Variants in EIF4G3 observed in about 807,000 individuals in gnomAD.
EIF4G3 encodes eIF-4-gamma 3.
EIF4G3 carries 34 observed loss-of-function variants against 186.4 expected under a neutral mutation model. That is an observed-to-expected ratio of 0.18 (90% confidence interval 0.14 to 0.24). The LOEUF is 0.24. Among genes scored for constraint, EIF4G3 ranks in the 10% least tolerant of loss-of-function variants. The pLI is 1.00. For synonymous variants in EIF4G3, 673 were observed against 679.5 expected (o/e 0.99, Z 0.15); for missense variants, 1,536 against 1,948.5 (o/e 0.79, Z 3.99).
At chr1:20,858,598 T>C (rs2075618408) in intron 24 of EIF4G3, among the ~76,000 whole-genome samples, 1 of 152,236 alleles carries the variant, frequency 6.6e-6, no homozygotes. Flanking sequence ...ATATTTTATT[T>C]AAGTATTTAT....
At chr1:20,833,263 T>C (rs2065822208) in intron 30 of EIF4G3, among the ~76,000 whole-genome samples, 1 of 151,340 alleles carries the variant, frequency 6.6e-6, no homozygotes, top group East Asian at 1.9e-4. Context: ...TTCTTCCATT[T>C]GTTTGTATCC....
intron 29 of EIF4G3, among the ~76,000 whole-genome samples, chr1:20,843,010 T>C (rs536587217): frequency 6.6e-6 from 1 of 152,066 alleles, no homozygotes; most frequent in Non-Finnish European, 1.5e-5. Flanking sequence ...GCCCGGCTAA[T>C]TTAAAAAAAT....
At chr1:20,987,976 T>A (rs115048780) in intron 7 of EIF4G3, among the ~76,000 whole-genome samples, 4,364 of 152,300 alleles carry the variant, frequency 0.029, 81 homozygotes, top group Non-Finnish European at 0.048. Flanking sequence ...ACACAAATGA[T>A]AAAGCAAAAC....
At position 20,851,388 on chromosome 1, in the gene EIF4G3, T is replaced by G; in HGVS notation, c.3642A>C (p.Lys1214Asn). 1 of 1,614,126 alleles carries G rather than the reference T, an allele frequency of 6.2e-7. No homozygotes were observed. The highest frequency in any genetic ancestry group is 2.2e-5 in the East Asian group (1 of 44,878). The change falls in exon 28 of 37, where the codon AAA becomes AAC. Residue 1214 changes from lysine (K) to asparagine (N), a missense_variant. Physicochemically the swap from Lys to Asn is moderately conservative, Grantham distance 94. Around this residue, in one of 11 missense-constraint regions of EIF4G3, gnomAD observed 395 missense variants for 498.9 expected, o/e 0.79. Coordinates refer to ENST00000602326, the MANE Select transcript of EIF4G3 (RefSeq NM_001391906.1). ...PNTFMRGGSS[K>N]DLLDNQSQEE... Reference sequence around the variant, plus strand: ...CTTGAGACTGATTGTCTAGCAGGTCTTTACTGCTGCCACCCCTCATGAAAG... The same window carrying G: ...CTTGAGACTGATTGTCTAGCAGGTCGTTACTGCTGCCACCCCTCATGAAAG...
intron 20 of EIF4G3, among the ~76,000 whole-genome samples, chr1:20,872,890 C>T (rs897334277): frequency 3.9e-5 from 6 of 152,034 alleles, no homozygotes; most frequent in African/African-American, 1.4e-4. Flanking sequence ...GCATGCGCCA[C>T]CATGCCCAGC....
intron 3 of EIF4G3, among the ~76,000 whole-genome samples, chr1:21,056,717 G>A (rs1010004729): frequency 1.3e-5 from 2 of 152,170 alleles, no homozygotes; most frequent in Non-Finnish European, 2.9e-5. Context: ...TTTAAAGGGA[G>A]TAGCAACAAG....
chr1:20,945,295 C>T (rs1264746459), intron 13 of EIF4G3, among the ~76,000 whole-genome samples: 1 of 151,668 alleles, frequency 6.6e-6, no homozygotes, highest in Non-Finnish European at 1.5e-5. Context: ...TAAGGCAACA[C>T]TATTTATAAT....
chr1:21,158,562 G>A (rs2097702466), intron 2 of EIF4G3, among the ~76,000 whole-genome samples: 1 of 152,026 alleles, frequency 6.6e-6, no homozygotes, highest in African/African-American at 2.4e-5. Context: ...TTTCAACTTA[G>A]CTCCTCCAAC....
chr1:20,962,607 TCACTGGTGG>T (rs1416399208), intron 12 of EIF4G3, among the ~76,000 whole-genome samples: 2 of 152,184 alleles, frequency 1.3e-5, no homozygotes, highest in Admixed American at 1.3e-4. Flanking sequence ...ACTGCCAGCA[TCACTGGTGG>T]CACTCTGTAT....
In EIF4G3 at chr1:21,099,616, A is replaced by T. The variant is rs137954316; in HGVS notation, c.-271-10403T>A. Among the ~76,000 whole-genome samples the T allele has an allele frequency of 3.8e-3, 577 of 152,308 alleles. 13 individuals carry two copies. The highest frequency in any genetic ancestry group is 0.033 in the Admixed American group (505 of 15,296). The stretch of plus-strand genomic sequence containing the variant: ...TTATATAATATACTAGTTAAGACAA[A>T]AATGTAGAAATGGAAAGCAGATCAG... On this transcript the variant is annotated intron_variant, in intron 2 of 36. Transcript: ENST00000602326.
At chr1:20,912,431 A>AG (rs398102563) in intron 14 of EIF4G3, among the ~76,000 whole-genome samples, 50 of 151,994 alleles carry the variant, frequency 3.3e-4, no homozygotes, top group Middle Eastern at 6.8e-3. Context: ...ATTACAAAAA[A>AG]GTCTCCCTTG....
Position 21,053,044 on chromosome 1 carries a change from C to T in EIF4G3, c.-195-2050G>A, listed in dbSNP as rs775938688. Among the ~76,000 whole-genome samples, 149 of 151,300 alleles carry T rather than the reference C, an allele frequency of 9.8e-4. 1 individual carries two copies. Among genetic ancestry groups the T allele is most frequent in the Non-Finnish European group, 1.6e-3 (107 of 67,646 alleles). On this transcript the variant is annotated intron_variant, in intron 3 of 36. Coordinates refer to ENST00000602326, the MANE Select transcript of EIF4G3 (RefSeq NM_001391906.1). ...GGAGCGTCTCTGCCTGGCCGCCCATCGTCTGGGATGTGAGGAGCCTCTCTG... is the reference window on the plus strand; with the variant it reads ...GGAGCGTCTCTGCCTGGCCGCCCATTGTCTGGGATGTGAGGAGCCTCTCTG...
Position 21,038,282 on chromosome 1 carries a change from C to T in EIF4G3, c.-67+12584G>A, listed in dbSNP as rs78524611. Among the ~76,000 whole-genome samples, 537 of 152,250 alleles carry T rather than the reference C, an allele frequency of 3.5e-3. 5 individuals are homozygous for T. Among genetic ancestry groups the T allele is most frequent in the African/African-American group, 0.012 (506 of 41,544 alleles). ...TCTCTCCAATCCCAGGACCAGTTCC[C>T]CCAAGACTGTGGGCTAAAAGCACCA... On this transcript the variant is annotated intron_variant, in intron 4 of 36. Coordinates refer to ENST00000602326, the MANE Select transcript of EIF4G3 (RefSeq NM_001391906.1).
Position 20,969,481 on chromosome 1 carries a change from G to A in EIF4G3, c.707C>T (p.Pro236Leu). 1 of 1,613,804 alleles carries A rather than the reference G, an allele frequency of 6.2e-7. No homozygotes were observed. Among genetic ancestry groups the A allele is most frequent in the Non-Finnish European group, 8.5e-7 (1 of 1,179,770 alleles). ...PIGRPTSTPT[P>L]PQQLPSQVPE... ...CAGCTCACTCTGTCTTACCTGAGGA[G>A]GAGTAGGTGTGGACGTGGGTCTTCC... The change falls in exon 12 of 37, where the codon CCT (proline) becomes CTT (leucine). Residue 236 changes from proline (P) to leucine (L), a missense_variant. Around this residue, in one of 11 missense-constraint regions of EIF4G3, gnomAD observed 560 missense variants for 547.8 expected, o/e 1.02. Transcript: ENST00000602326.
At chr1:21,119,911 C>A (rs775171280) in intron 2 of EIF4G3, among the ~76,000 whole-genome samples, 1 of 151,880 alleles carries the variant, frequency 6.6e-6, no homozygotes. Context: ...AAAACTATTT[C>A]TAAAATTAAT....
intron 14 of EIF4G3, among the ~76,000 whole-genome samples, chr1:20,931,474 T>C (rs1272522341): frequency 1.3e-5 from 2 of 152,134 alleles, no homozygotes; most frequent in Non-Finnish European, 2.9e-5. Flanking sequence ...GAAGAATAGA[T>C]TTAGCAGAAT....
At chr1:20,939,093 C>T (rs1253191415) in intron 14 of EIF4G3, among the ~76,000 whole-genome samples, 4 of 129,836 alleles carry the variant, frequency 3.1e-5, no homozygotes, top group East Asian at 2.2e-4. Context: ...GGCGATGGAG[C>T]GAGACTCCAT....
chr1:21,010,243 C>T (rs2086591120), intron 4 of EIF4G3, among the ~76,000 whole-genome samples: 1 of 151,726 alleles, frequency 6.6e-6, no homozygotes, highest in Non-Finnish European at 1.5e-5. Context: ...TCTAGGAGTT[C>T]GAGACCAGCC....
chr1:21,011,969 G>A (rs1032855624), intron 4 of EIF4G3, among the ~76,000 whole-genome samples: 3 of 152,164 alleles, frequency 2.0e-5, no homozygotes, highest in African/African-American at 4.8e-5. Context: ...ACATGGGTAT[G>A]TGGCAGACAT....
Sources: allele counts gnomAD v4.1 joint callset (sites outside exome capture counted in the v4.1 genomes callset), GRCh38; gene constraint gnomAD v4.1.1; regional missense constraint gnomAD v4.1.1; transcripts MANE v1.5; gene names NCBI Gene and HGNC (gene_info 2026-07-23, HGNC 2026-07-21).